LRTM3: variants seen among roughly 807,000 people sequenced by gnomAD.
LRTM3 encodes leucine-rich repeat transmembrane protein 3.
the LRTM3 span, chr13:102,739,422 G>T: frequency 2.6e-6 from 4 of 1,550,410 alleles, no homozygotes; most frequent in African/African-American, 1.4e-5. Flanking sequence ...GATGCCTGGA[G>T]CTTTAGTGGT....
At chr13:102,736,229 A>T in the LRTM3 span, 11 of 1,548,856 alleles carry the variant, frequency 7.1e-6, no homozygotes, top group Non-Finnish European at 9.6e-6. Flanking sequence ...TTTTGTCAGA[A>T]TCACATGAGG....
chr13:102,742,672 T>C, the LRTM3 span: 1 of 1,550,756 alleles, frequency 6.4e-7, no homozygotes, highest in South Asian at 1.2e-5. Context: ...TATCAGGTGA[T>C]TGTGAAACTG....
the LRTM3 span, chr13:102,746,639 ACT>A: frequency 8.4e-6 from 13 of 1,551,180 alleles, no homozygotes; most frequent in East Asian, 2.9e-4. Flanking sequence ...TGCAAATGTT[ACT>A]CTCTTTTTCA....
chr13:102,739,691 A>C, the LRTM3 span: 2 of 1,550,042 alleles, frequency 1.3e-6, no homozygotes, highest in Admixed American at 2.0e-5. Flanking sequence ...TTTCATATCC[A>C]TTGCTTTTAC....
chr13:102,739,583 T>C, the LRTM3 span: 1 of 1,550,374 alleles, frequency 6.5e-7, no homozygotes, highest in East Asian at 2.4e-5. Context: ...GCCCTCTTGT[T>C]TTATAATGTC....
chr13:102,733,324 A>G, the LRTM3 span: 9 of 1,551,372 alleles, frequency 5.8e-6, no homozygotes, highest in South Asian at 4.8e-5. Context: ...TGCTGATTCT[A>G]TCATTACTTT....
At chr13:102,743,801 A>G in the LRTM3 span, 2 of 1,550,376 alleles carry the variant, frequency 1.3e-6, no homozygotes, top group Non-Finnish European at 1.7e-6. Context: ...CTTTTCCTTC[A>G]TAGTTAAACA....
chr13:102,753,960 C>T, the LRTM3 span, among the ~76,000 whole-genome samples: 23 of 152,264 alleles, frequency 1.5e-4, no homozygotes, highest in African/African-American at 3.1e-4. Flanking sequence ...CCTGTAATCC[C>T]AGGTCTCTGG....
At chr13:102,738,324 A>G in the LRTM3 span, 2 of 1,550,712 alleles carry the variant, frequency 1.3e-6, no homozygotes, top group Non-Finnish European at 1.7e-6. Context: ...GCCTCTGATG[A>G]TTTTTGGTGT....
chr13:102,747,877 T>C, the LRTM3 span: 20 of 1,551,240 alleles, frequency 1.3e-5, no homozygotes, highest in Non-Finnish European at 1.6e-5. Context: ...TCTGTTCCAT[T>C]TGGAATTTGA....
the LRTM3 span, chr13:102,741,905 T>C: frequency 6.4e-7 from 1 of 1,550,482 alleles, no homozygotes; most frequent in Non-Finnish European, 8.7e-7. Context: ...AATATAGTAT[T>C]GGGATATGTC....
the LRTM3 span, chr13:102,745,875 G>C: frequency 1.3e-6 from 2 of 1,551,112 alleles, no homozygotes; most frequent in Non-Finnish European, 1.7e-6. Context: ...AAAATAGTTT[G>C]TGTAAAATGT....
the LRTM3 span, chr13:102,736,557 C>G: frequency 2.6e-6 from 4 of 1,551,132 alleles, no homozygotes; most frequent in Non-Finnish European, 3.5e-6. Flanking sequence ...CGTGGTTCAC[C>G]TTCCTCTTCT....
At chr13:102,742,482 C>G in the LRTM3 span, 1 of 1,549,834 alleles carries the variant, frequency 6.5e-7, no homozygotes, top group South Asian at 1.2e-5. Flanking sequence ...GTTTTAAATT[C>G]TTTCTTGTTT....
chr13:102,746,662 A>G, the LRTM3 span: 2 of 1,551,206 alleles, frequency 1.3e-6, no homozygotes, highest in Non-Finnish European at 1.7e-6. Context: ...TCACTTTAGA[A>G]CAAGATAAAA....
At chr13:102,737,473 T>C in the LRTM3 span, 1 of 1,550,864 alleles carries the variant, frequency 6.4e-7, no homozygotes, top group Non-Finnish European at 8.7e-7. Context: ...CTCCATCTGC[T>C]TGCTGTTGCT....
At chr13:102,735,364 T>G in the LRTM3 span, 1 of 1,551,372 alleles carries the variant, frequency 6.4e-7, no homozygotes, top group African/African-American at 1.4e-5. Flanking sequence ...TCCCTGCATC[T>G]GATGATTCCT....
chr13:102,758,946 G>A, the LRTM3 span: 1 of 1,427,890 alleles, frequency 7.0e-7, no homozygotes, highest in African/African-American at 1.4e-5. Flanking sequence ...AATGTCATAT[G>A]TGAAAGAGAC....
chr13:102,735,447 T>G, the LRTM3 span: 1 of 1,551,242 alleles, frequency 6.4e-7, no homozygotes, highest in East Asian at 2.4e-5. Flanking sequence ...GTATCAAACT[T>G]AAGATATGGT....
Sources: allele counts gnomAD v4.1 joint callset (sites outside exome capture counted in the v4.1 genomes callset), GRCh38; gene constraint gnomAD v4.1.1; transcripts MANE v1.5; gene names NCBI Gene and HGNC (gene_info 2026-07-23, HGNC 2026-07-21).